Variants in ZER1 observed in about 807,000 individuals in gnomAD.
ZER1 encodes zyg-11 related cell cycle regulator, also known as protein zer-1 homolog.
Under a neutral mutation model 78.8 loss-of-function variants are expected in ZER1, and 11 were observed. The observed-to-expected ratio is 0.14, with a 90% CI of 0.09 to 0.23. The LOEUF (loss-of-function observed/expected upper bound fraction) is 0.23. Ranked by LOEUF, ZER1 falls within the 10% of genes least tolerant of loss-of-function variation. The probability of loss-of-function intolerance (pLI) is 1.00; values close to 1 mark genes in which losing one functional copy is unlikely to be tolerated. For synonymous variants in ZER1, 400 were observed against 407.0 expected, an observed-to-expected ratio of 0.98 and a Z score of 0.21; for missense variants, 588 against 996.9, an observed-to-expected ratio of 0.59 and a Z score of 5.52.
intron 14 of ZER1, among the ~76,000 whole-genome samples, chr9:128,734,462 G>T (rs964285197): frequency 6.6e-6 from 1 of 151,168 alleles, no homozygotes; most frequent in African/African-American, 2.4e-5. Context: ...CTCCCAATGT[G>T]CTAGGATTAC....
At chr9:128,758,908 C>G (rs1012611642) in intron 1 of ZER1, among the ~76,000 whole-genome samples, 1 of 152,086 alleles carries the variant, frequency 6.6e-6, no homozygotes, top group Non-Finnish European at 1.5e-5. Context: ...AGCTTCTAGT[C>G]TCCTTGATCA....
intron 1 of ZER1, among the ~76,000 whole-genome samples, chr9:128,762,993 A>G (rs1243407278): frequency 2.0e-5 from 3 of 152,126 alleles, no homozygotes; most frequent in Non-Finnish European, 4.4e-5. Flanking sequence ...CTTGGTCCCC[A>G]CTGCCCCCCT....
intron 14 of ZER1, among the ~76,000 whole-genome samples, chr9:128,734,764 C>G (rs1451327564): frequency 1.3e-5 from 2 of 151,870 alleles, no homozygotes; most frequent in Admixed American, 1.3e-4. Context: ...TCTTTTTCAA[C>G]AAATCCAAGG....
At chr9:128,770,968 G>C (rs999231715) in intron 1 of ZER1, among the ~76,000 whole-genome samples, 4 of 152,126 alleles carry the variant, frequency 2.6e-5, no homozygotes, top group Non-Finnish European at 4.4e-5. Flanking sequence ...CCAGGAGTTC[G>C]AGACCAGCTT....
intron 13 of ZER1, among the ~76,000 whole-genome samples, chr9:128,736,397 GTTTT>G (rs753097804): frequency 8.1e-6 from 1 of 122,870 alleles, no homozygotes; most frequent in Non-Finnish European, 1.8e-5. Context: ...TTTTTTCTTT[GTTTT>G]TTTTTTTTTT....
intron 8 of ZER1, among the ~76,000 whole-genome samples, chr9:128,746,942 A>T (rs7858623): frequency 1 from 151,415 of 152,002 alleles, 75,419 homozygotes; most frequent in Middle Eastern, 1. Flanking sequence ...GCCTAAAAAA[A>T]TTTTTTTGTA....
At chr9:128,744,407 T>C (rs901884640) in intron 8 of ZER1, among the ~76,000 whole-genome samples, 2 of 150,672 alleles carry the variant, frequency 1.3e-5, no homozygotes, top group African/African-American at 4.9e-5. Context: ...TTGGCCAAGA[T>C]GGTCTTGATC....
At chr9:128,735,817 G>A (rs1458962851) in intron 13 of ZER1, among the ~76,000 whole-genome samples, 2 of 115,648 alleles carry the variant, frequency 1.7e-5, no homozygotes, top group African/African-American at 6.6e-5. Flanking sequence ...TCGCTCTGTT[G>A]CCCAGGCTGG....
chr9:128,763,496 C>A (rs918726177), intron 1 of ZER1, among the ~76,000 whole-genome samples: 1 of 152,234 alleles, frequency 6.6e-6, no homozygotes, highest in Non-Finnish European at 1.5e-5. Flanking sequence ...CACTGGGGGT[C>A]CTTGGTGAGC....
chr9:128,732,736 G>A lies in ZER1; in HGVS notation c.2243+690C>T, dbSNP rs929173669. 2 of 152,248 alleles carry A rather than the reference G, an allele frequency of 1.3e-5. No individual in the cohort carries two copies. Among genetic ancestry groups the A allele is most frequent in the African/African-American group, 4.8e-5 (2 of 41,450 alleles). The allele number at this position is 152,248 out of a possible 1,614,324, so 9.4% of individuals were successfully genotyped here. A position where few individuals can be genotyped will look rare whatever the true frequency, so the allele number is the denominator to read the frequency against. Reference sequence around the variant, plus strand: ...CCCTCCCCTGGCCCAGGAAGTGGCTGGCTGAGGAGCCTCTGAGTTTCAGGC... The same window carrying A: ...CCCTCCCCTGGCCCAGGAAGTGGCTAGCTGAGGAGCCTCTGAGTTTCAGGC... On this transcript the variant is annotated intron_variant, in intron 15 of 15. Coordinates refer to ENST00000291900, the MANE Select transcript of ZER1 (RefSeq NM_006336.4). The surrounding 1 kb of genome is among the most constrained non-coding windows in gnomAD (Gnocchi z 4.8).
At position 128,755,416 on chromosome 9, in the gene ZER1, G is replaced by A. The variant is rs747471494; in HGVS notation, c.150C>T (p.Leu50=). The change falls in exon 2 of 16, where the codon CTC becomes CTT. Residue 50 remains leucine (L), a synonymous_variant. Transcript: ENST00000291900. The surrounding 1 kb of genome is among the most constrained non-coding windows in gnomAD (Gnocchi z 5.6). ...GCCCTGGGTCTGCTCACTCATTGAC[G>A]AGCCGGTCACAGATCTCGCTGGGCA... ...IFLPSEICDR[L]VNEYVELVNA... is the part of the protein sequence containing the mutation. 43 of 1,613,860 alleles carry A rather than the reference G, an allele frequency of 2.7e-5. No homozygotes were observed. Among genetic ancestry groups the A allele is most frequent in the Admixed American group, 6.7e-5 (4 of 59,968 alleles).
At chr9:128,741,866 T>C (rs199572118) in intron 9 of ZER1, 25 bp from the exon 10 acceptor site, 15 of 1,614,090 alleles carry the variant, frequency 9.3e-6, no homozygotes, top group Non-Finnish European at 1.3e-5. Flanking sequence ...AAGAGTCTGC[T>C]AGAGTGCTGG....
intron 10 of ZER1, 50 bp from the exon 11 acceptor site, chr9:128,741,704 G>T: frequency 5.6e-6 from 9 of 1,613,928 alleles, no homozygotes; most frequent in South Asian, 1.1e-5. Flanking sequence ...CCCGGGGAGG[G>T]GGGCCCCTGA....
At chr9:128,738,449 G>T (rs568936323) in intron 13 of ZER1, among the ~76,000 whole-genome samples, 2 of 148,584 alleles carry the variant, frequency 1.3e-5, no homozygotes, top group African/African-American at 5.0e-5. Flanking sequence ...GCAGTGGCGC[G>T]ATCTCGGCTA....
intron 15 of ZER1, chr9:128,733,094 G>A (rs1862893011): frequency 8.9e-6 from 2 of 225,254 alleles, no homozygotes; most frequent in African/African-American, 2.2e-5. Flanking sequence ...TAGTGGGAAT[G>A]TCTTTGGCCA....
intron 13 of ZER1, among the ~76,000 whole-genome samples, chr9:128,737,789 G>A (rs997584647): frequency 1.3e-5 from 2 of 151,602 alleles, no homozygotes; most frequent in African/African-American, 2.4e-5. Flanking sequence ...TGCAACCTCT[G>A]CCTTCCAGGT....
chr9:128,742,040 G>A (rs535007318), intron 9 of ZER1, among the ~76,000 whole-genome samples, 199 bp from the exon 10 acceptor site: 33 of 152,226 alleles, frequency 2.2e-4, no homozygotes, highest in Non-Finnish European at 3.8e-4. Context: ...GCAGGCCCGG[G>A]TGCCGTTCCT....
intron 13 of ZER1, 106 bp from the exon 14 acceptor site, chr9:128,735,537 T>G: frequency 9.1e-7 from 1 of 1,093,202 alleles, no homozygotes; most frequent in Non-Finnish European, 1.3e-6. Context: ...CCAACCATGA[T>G]AGGCTGGCAG....
chr9:128,767,310 G>A (rs1331567439), intron 1 of ZER1, among the ~76,000 whole-genome samples: 2 of 151,922 alleles, frequency 1.3e-5, no homozygotes, highest in African/African-American at 2.4e-5. Flanking sequence ...GCAGTGGTAC[G>A]ATCTCAGCTC....
Sources: gnomAD v4.1 joint callset for allele counts (sites outside exome capture counted in the v4.1 genomes callset) on GRCh38, gnomAD v4.1.1 for gene constraint, Gnocchi (gnomAD v3.1) non-coding constraint, MANE v1.5 for transcripts, NCBI Gene and HGNC (gene_info 2026-07-23, HGNC 2026-07-21) for gene names.